The following SDK1 variants were observed in gnomAD, a reference collection of about 807,000 sequenced individuals.
SDK1 encodes protein sidekick-1.
SDK1 carries 157 observed loss-of-function variants against 245.5 expected under a neutral mutation model. That is an observed-to-expected ratio of 0.64 (90% CI 0.56 to 0.73). The LOEUF is 0.73. Among genes scored for constraint, SDK1 ranks in the 30% least tolerant of loss-of-function variants. The probability of loss-of-function intolerance (pLI) is 0.00; values close to 1 mark genes in which losing one functional copy is unlikely to be tolerated. For missense variants in SDK1, 3,583 were observed against 3,002.3 expected (o/e 1.19, Z -4.52); for synonymous variants, 1,647 against 1,278.5 (o/e 1.29, Z -6.15).
intron 1 of SDK1, among the ~76,000 whole-genome samples, chr7:3,568,447 C>T (rs957041411): frequency 5.9e-5 from 9 of 152,010 alleles, no homozygotes; most frequent in African/African-American, 1.7e-4. Flanking sequence ...ATTTTAGTTT[C>T]TTCTGGCCGG....
intron 1 of SDK1, among the ~76,000 whole-genome samples, chr7:3,377,349 G>A (rs1015180960): frequency 6.6e-6 from 1 of 152,076 alleles, no homozygotes; most frequent in African/African-American, 2.4e-5. Context: ...TGCAGCTGCC[G>A]CAGGTTTTCT....
intron 22 of SDK1, among the ~76,000 whole-genome samples, chr7:4,102,992 G>A (rs997282928): frequency 1.4e-5 from 2 of 145,068 alleles, no homozygotes; most frequent in African/African-American, 5.0e-5. Context: ...TCAAAATCCC[G>A]GCTTCCCCAC....
intron 1 of SDK1, among the ~76,000 whole-genome samples, chr7:3,512,328 C>T (rs1336706948): frequency 6.6e-6 from 1 of 152,052 alleles, no homozygotes; most frequent in Non-Finnish European, 1.5e-5. Context: ...AGTAATATTC[C>T]ATTGTGTGGC....
chr7:3,651,135 T>TG (rs890234596), intron 4 of SDK1, among the ~76,000 whole-genome samples: 2 of 151,350 alleles, frequency 1.3e-5, no homozygotes, highest in African/African-American at 2.4e-5. Context: ...TTTTAGTTTT[T>TG]TTTTTTTTTT....
intron 4 of SDK1, among the ~76,000 whole-genome samples, chr7:3,738,042 G>A (rs1054734273): frequency 1.3e-5 from 2 of 152,206 alleles, no homozygotes; most frequent in East Asian, 1.9e-4. Flanking sequence ...TTTGTGAGGG[G>A]ACGAAAGCTG....
At chr7:4,063,202 C>T (rs1779648031) in intron 19 of SDK1, among the ~76,000 whole-genome samples, 1 of 152,132 alleles carries the variant, frequency 6.6e-6, no homozygotes. Context: ...TCTAAACAAA[C>T]CTAGACTCCA....
intron 5 of SDK1, among the ~76,000 whole-genome samples, chr7:3,891,080 C>T (rs1351245031): frequency 6.6e-6 from 1 of 152,182 alleles, no homozygotes; most frequent in Non-Finnish European, 1.5e-5. Flanking sequence ...AGAGCACATC[C>T]TTCAAGCACC....
At chr7:4,073,165 C>G (rs941058801) in intron 20 of SDK1, among the ~76,000 whole-genome samples, 11 of 152,184 alleles carry the variant, frequency 7.2e-5, no homozygotes, top group South Asian at 4.1e-4. Flanking sequence ...CCGGGCGCCT[C>G]TCTCCTCTCT....
intron 29 of SDK1, 39 bp downstream of exon 29, chr7:4,145,955 T>C: frequency 6.5e-7 from 1 of 1,545,792 alleles, no homozygotes; most frequent in Middle Eastern, 1.8e-4. Context: ...GCAGATGTTG[T>C]GGGCACAGCT....
intron 35 of SDK1, among the ~76,000 whole-genome samples, chr7:4,199,332 G>C (rs1387138564): frequency 6.6e-6 from 1 of 152,212 alleles, no homozygotes; most frequent in East Asian, 1.9e-4. Flanking sequence ...AAGCCGCAGA[G>C]CCGGTTGGCT....
At chr7:4,162,722 A>G (rs1315646336) in intron 32 of SDK1, among the ~76,000 whole-genome samples, 1 of 152,102 alleles carries the variant, frequency 6.6e-6, no homozygotes, top group Non-Finnish European at 1.5e-5. Flanking sequence ...TTAATCTCCA[A>G]TGTGCAGTGA....
chr7:3,937,964 A>G (rs1780218073), intron 5 of SDK1, among the ~76,000 whole-genome samples: 1 of 151,946 alleles, frequency 6.6e-6, no homozygotes, highest in South Asian at 2.1e-4. Context: ...CAGCCTTCTG[A>G]GTAACTGGGA....
intron 14 of SDK1, among the ~76,000 whole-genome samples, chr7:4,000,763 G>A (rs866967810): frequency 1.8e-4 from 27 of 152,294 alleles, no homozygotes; most frequent in Middle Eastern, 3.4e-3. Flanking sequence ...TCACACAGGC[G>A]TTTTCTAATG....
At chr7:3,428,398 A>G (rs1175365470) in intron 1 of SDK1, among the ~76,000 whole-genome samples, 2 of 152,200 alleles carry the variant, frequency 1.3e-5, no homozygotes, top group Non-Finnish European at 2.9e-5. Context: ...GTATGTTATA[A>G]CCATTTCACA....
In SDK1 at chr7:4,017,287, C is replaced by G; in HGVS notation, c.2537C>G (p.Ala846Gly). The G allele has an allele frequency of 6.2e-7, 1 of 1,613,874 alleles. No individual in the cohort carries two copies. Among genetic ancestry groups the G allele is most frequent in the Non-Finnish European group, 8.5e-7 (1 of 1,179,852 alleles). Reference sequence around the variant, plus strand: ...TGGACACAGTATGAGATACAGGTGGCGGCGTACAACGGGGCCGGTCTGGGC... The same window carrying G: ...TGGACACAGTATGAGATACAGGTGGGGGCGTACAACGGGGCCGGTCTGGGC... ...IIWTQYEIQVAAYNGAGLGVF... is the reference protein window; with the variant it reads ...IIWTQYEIQVGAYNGAGLGVF... Residue 846 changes from alanine to glycine, a missense_variant, in exon 17 of 45, where the codon GCG becomes GGG. Coordinates refer to ENST00000404826, the MANE Select transcript of SDK1 (RefSeq NM_152744.4).
At chr7:3,721,646 C>G (rs1167495633) in intron 4 of SDK1, among the ~76,000 whole-genome samples, 10 of 152,018 alleles carry the variant, frequency 6.6e-5, no homozygotes, top group African/African-American at 2.4e-4. Flanking sequence ...TCTGGTGTTT[C>G]CAAAGGAGGG....
intron 40 of SDK1, among the ~76,000 whole-genome samples, chr7:4,226,356 C>T (rs1785445873): frequency 6.6e-6 from 1 of 152,192 alleles, no homozygotes; most frequent in African/African-American, 2.4e-5. Context: ...TCTACCTTGC[C>T]CCTGGGAGAC....
chr7:3,808,660 C>T (rs1436501961), intron 4 of SDK1, among the ~76,000 whole-genome samples: 1 of 152,142 alleles, frequency 6.6e-6, no homozygotes, highest in Non-Finnish European at 1.5e-5. Context: ...AAATCAGTTT[C>T]CACCTGATGG....
chr7:3,641,911 C>G (rs746829348), intron 3 of SDK1, 47 bp from the exon 4 acceptor site: 1 of 1,554,730 alleles, frequency 6.4e-7, no homozygotes, highest in Admixed American at 1.8e-5. Flanking sequence ...CCTTCCCTCC[C>G]CCAAAAATGT....
Sources: allele counts gnomAD v4.1 joint callset (sites outside exome capture counted in the v4.1 genomes callset), GRCh38; gene constraint gnomAD v4.1.1; transcripts MANE v1.5; gene names NCBI Gene and HGNC (gene_info 2026-07-23, HGNC 2026-07-21).